The following VOPP1 variants were observed in gnomAD, a reference collection of about 807,000 sequenced individuals.
VOPP1 encodes VOPP1 WW domain binding protein, also known as WW domain binding protein VOPP1.
Under a neutral mutation model 23.5 loss-of-function variants are expected in VOPP1, and 8 were observed. That is an observed-to-expected ratio of 0.34 (90% CI 0.20 to 0.61). VOPP1 has a LOEUF of 0.61. Among genes scored for constraint, VOPP1 ranks in the 20% least tolerant of loss-of-function variants. The probability of loss-of-function intolerance (pLI) is 0.78; values close to 1 mark genes in which losing one functional copy is unlikely to be tolerated. For synonymous variants in VOPP1, 83 were observed against 97.3 expected (o/e 0.85, Z 0.86); for missense variants, 174 against 238.1 (o/e 0.73, Z 1.77).
chr7:55,454,805 T>C (rs1233792475), intron 4 of VOPP1, among the ~76,000 whole-genome samples: 3 of 152,138 alleles, frequency 2.0e-5, no homozygotes, highest in African/African-American at 7.2e-5. Context: ...TATCTCAAAA[T>C]AATAAGAGCT....
chr7:55,554,381 T>C (rs566558199), intron 1 of VOPP1, among the ~76,000 whole-genome samples: 2 of 152,240 alleles, frequency 1.3e-5, no homozygotes, highest in Admixed American at 1.3e-4. Context: ...CATAGGCCAA[T>C]AGGGTACCAT....
At chr7:55,488,794 A>G (rs1223928640) in intron 4 of VOPP1, among the ~76,000 whole-genome samples, 1 of 152,142 alleles carries the variant, frequency 6.6e-6, no homozygotes, top group Non-Finnish European at 1.5e-5. Flanking sequence ...CAGAGGAAAA[A>G]TGGGGCTCTG....
chr7:55,562,031 T>C (rs1304108505), intron 1 of VOPP1: 2 of 703,408 alleles, frequency 2.8e-6, no homozygotes, highest in East Asian at 2.7e-5. Context: ...TCCTCATCTA[T>C]GCATCAGAAG....
At chr7:55,559,398 T>C (rs1797911404) in intron 1 of VOPP1, among the ~76,000 whole-genome samples, 1 of 152,190 alleles carries the variant, frequency 6.6e-6, no homozygotes, top group Non-Finnish European at 1.5e-5. Context: ...GAGCAGCCGC[T>C]GACCGTGCCA....
chr7:55,435,565 C>A (rs1790802180), downstream of VOPP1, among the ~76,000 whole-genome samples: 1 of 152,208 alleles, frequency 6.6e-6, no homozygotes, highest in Non-Finnish European at 1.5e-5. Flanking sequence ...GTGGTCCAGG[C>A]AGCACAGTAC....
At chr7:55,505,936 GAC>G (rs1419751182) in intron 2 of VOPP1, among the ~76,000 whole-genome samples, 1 of 152,162 alleles carries the variant, frequency 6.6e-6, no homozygotes, top group Non-Finnish European at 1.5e-5. Context: ...ATTAAAACAG[GAC>G]AGTGTCAGAT....
At chr7:55,489,331 A>G (rs1356462491) in intron 4 of VOPP1, among the ~76,000 whole-genome samples, 1 of 152,198 alleles carries the variant, frequency 6.6e-6, no homozygotes, top group Non-Finnish European at 1.5e-5. Context: ...CCAAGTCTAC[A>G]TTTTGGTCAG....
intron 4 of VOPP1, among the ~76,000 whole-genome samples, chr7:55,482,635 G>A (rs988029768): frequency 1.3e-4 from 19 of 151,982 alleles, no homozygotes; most frequent in African/African-American, 2.4e-4. Flanking sequence ...CACCGCGTCC[G>A]GCCAAGAGGA....
At position 55,543,117 on chromosome 7, in the gene VOPP1, G is replaced by T. The variant is rs184379843; in HGVS notation, c.55-21987C>A. On this transcript the variant is annotated intron_variant, in intron 1 of 4. Transcript: ENST00000285279. ...TTTTTAGTAGAGACAGGGTTTCACC[G>T]TGTTAGCCAGGATGGTCTCGATCTC... Among the ~76,000 whole-genome samples, 277 of 152,036 alleles carry T rather than the reference G, an allele frequency of 1.8e-3. 5 individuals are homozygous for T. Among genetic ancestry groups the T allele is most frequent in the Admixed American group, 0.015 (236 of 15,268 alleles).
chr7:55,504,679 C>T (rs1234777928), intron 2 of VOPP1, among the ~76,000 whole-genome samples: 1 of 152,234 alleles, frequency 6.6e-6, no homozygotes, highest in African/African-American at 2.4e-5. Context: ...CAAGGCAGGC[C>T]CCACTAGGCT....
chr7:55,553,495 T>C (rs1431292399), intron 1 of VOPP1, among the ~76,000 whole-genome samples: 1 of 152,170 alleles, frequency 6.6e-6, no homozygotes, highest in Non-Finnish European at 1.5e-5. Context: ...ATTATTTAGA[T>C]GATAGATCTA....
chr7:55,557,776 A>G (rs1250930615), intron 1 of VOPP1, among the ~76,000 whole-genome samples: 1 of 152,266 alleles, frequency 6.6e-6, no homozygotes, highest in African/African-American at 2.4e-5. Flanking sequence ...CCACAAGGGC[A>G]GGACCGTCCG....
At chr7:55,435,244 C>A (rs1162511011), downstream of VOPP1, among the ~76,000 whole-genome samples, 3 of 152,128 alleles carry the variant, frequency 2.0e-5, no homozygotes, top group African/African-American at 7.2e-5. Context: ...AGAGGGTTCC[C>A]AGTTTTCATT....
At chr7:55,487,036 C>T (rs1793196659) in intron 4 of VOPP1, among the ~76,000 whole-genome samples, 1 of 152,212 alleles carries the variant, frequency 6.6e-6, no homozygotes, top group Non-Finnish European at 1.5e-5. Flanking sequence ...TCAGAAGCAC[C>T]GTCACGTTGG....
chr7:55,523,020 A>C (rs766765849), intron 1 of VOPP1, among the ~76,000 whole-genome samples: 11 of 152,234 alleles, frequency 7.2e-5, no homozygotes, highest in Non-Finnish European at 1.6e-4. Flanking sequence ...CACTTCACAA[A>C]TTAAGGCACC....
intron 4 of VOPP1, among the ~76,000 whole-genome samples, chr7:55,489,691 C>A (rs1476046150): frequency 6.6e-6 from 1 of 152,180 alleles, no homozygotes; most frequent in Non-Finnish European, 1.5e-5. Flanking sequence ...GCGCTCCAGG[C>A]TGTGACTGTA....
At chr7:55,507,417 A>AT (rs199545458) in intron 2 of VOPP1, among the ~76,000 whole-genome samples, 16 of 151,228 alleles carry the variant, frequency 1.1e-4, no homozygotes, top group East Asian at 1.9e-4. Context: ...GAGCAGGTAT[A>AT]TTTTTTTTTA....
At chr7:55,554,783 A>T (rs1433443351) in intron 1 of VOPP1, among the ~76,000 whole-genome samples, 1 of 152,206 alleles carries the variant, frequency 6.6e-6, no homozygotes, top group Non-Finnish European at 1.5e-5. Flanking sequence ...CTCAGCAGGG[A>T]ATTCTTGGAC....
downstream of VOPP1, among the ~76,000 whole-genome samples, chr7:55,465,890 G>T (rs1239654013): frequency 6.6e-6 from 1 of 152,182 alleles, no homozygotes; most frequent in African/African-American, 2.4e-5. Context: ...GGCATCCAAA[G>T]AATGTTAGGC....
Sources: allele counts gnomAD v4.1 joint callset (sites outside exome capture counted in the v4.1 genomes callset), GRCh38; gene constraint gnomAD v4.1.1; transcripts MANE v1.5; gene names NCBI Gene and HGNC (gene_info 2026-07-23, HGNC 2026-07-21).